The following NELL1 variants were observed in gnomAD, a reference collection of about 807,000 sequenced individuals.
NELL1 encodes protein kinase C-binding protein NELL1.
In NELL1, 76 loss-of-function variants were observed where a neutral mutation model predicts 107.4. That is an observed-to-expected ratio of 0.71 (90% CI 0.59 to 0.86). The LOEUF is 0.86. NELL1 is among the 40% of genes least tolerant of loss of function. NELL1 has a pLI of 0.00. For missense variants in NELL1, 1,024 were observed against 1,005.5 expected, an observed-to-expected ratio of 1.02 and a Z score of -0.25; for synonymous variants, 353 against 341.2, an observed-to-expected ratio of 1.03 and a Z score of -0.38.
chr11:21,415,637 CT>C (rs1191459380), intron 15 of NELL1, among the ~76,000 whole-genome samples: 1 of 151,968 alleles, frequency 6.6e-6, no homozygotes, highest in African/African-American at 2.4e-5. Context: ...ACTGTGGCGT[CT>C]CTTTAATTGA....
At chr11:21,460,033 G>T (rs1478943464) in intron 15 of NELL1, among the ~76,000 whole-genome samples, 1 of 152,014 alleles carries the variant, frequency 6.6e-6, no homozygotes, top group Non-Finnish European at 1.5e-5. Context: ...CAAATAAAAG[G>T]CTTTATTAAT....
At chr11:21,023,326 T>C (rs1278169648) in intron 12 of NELL1, among the ~76,000 whole-genome samples, 1 of 151,914 alleles carries the variant, frequency 6.6e-6, no homozygotes, top group African/African-American at 2.4e-5. Context: ...CTTAAAAAAG[T>C]CACAAAATGA....
chr11:20,685,945 A>G (rs1339907513), intron 2 of NELL1, among the ~76,000 whole-genome samples: 1 of 152,058 alleles, frequency 6.6e-6, no homozygotes, highest in Non-Finnish European at 1.5e-5. Context: ...ATTTTGAGGC[A>G]GTATTTAAGG....
intron 4 of NELL1, among the ~76,000 whole-genome samples, chr11:20,883,770 A>C (rs1388472665): frequency 6.6e-6 from 1 of 152,188 alleles, no homozygotes; most frequent in Non-Finnish European, 1.5e-5. Context: ...ATCACACTTA[A>C]TGACTGTAGT....
chr11:21,286,033 T>C (rs886215825), intron 14 of NELL1, among the ~76,000 whole-genome samples: 2 of 152,194 alleles, frequency 1.3e-5, no homozygotes, highest in African/African-American at 4.8e-5. Context: ...AATTCTACAT[T>C]GTGGAAATGT....
At chr11:21,043,510 GTC>G (rs1316830323) in intron 12 of NELL1, among the ~76,000 whole-genome samples, 1 of 152,128 alleles carries the variant, frequency 6.6e-6, no homozygotes, top group East Asian at 1.9e-4. Flanking sequence ...GTTATGAAAG[GTC>G]CATGGGCTAT....
chr11:20,855,652 G>T (rs1020999396), intron 4 of NELL1, among the ~76,000 whole-genome samples: 1 of 152,018 alleles, frequency 6.6e-6, no homozygotes, highest in South Asian at 2.1e-4. Context: ...CATCTTAATT[G>T]TTGTAATTTT....
At chr11:21,228,939 A>G (rs1478377900) in intron 13 of NELL1, among the ~76,000 whole-genome samples, 4 of 151,426 alleles carry the variant, frequency 2.6e-5, no homozygotes, top group African/African-American at 4.9e-5. Flanking sequence ...CCTGTTCCCA[A>G]TCATGGCAAC....
In NELL1 at chr11:21,534,463, A is replaced by G. The variant is rs370919301; in HGVS notation, c.1735A>G (p.Ser579Gly). The change falls in exon 16 of 20, where the codon AGC becomes GGC. Residue 579 changes from serine to glycine, a missense_variant. By Grantham distance (56) the Ser-to-Gly change is moderately conservative. Coordinates refer to ENST00000357134, the MANE Select transcript of NELL1 (RefSeq NM_006157.5). ...LPGWYHCECR[S>G]GFHDDGTYSL... ...AGGGTGGTACCACTGTGAGTGCAGAAGCGGTTTCCATGACGATGGGACCTA... is the reference window on the plus strand; with the variant it reads ...AGGGTGGTACCACTGTGAGTGCAGAGGCGGTTTCCATGACGATGGGACCTA... 2 of 1,613,882 alleles carry G rather than the reference A, an allele frequency of 1.2e-6. No homozygotes were observed. The highest frequency in any genetic ancestry group is 1.7e-6 in the Non-Finnish European group (2 of 1,179,852).
intron 15 of NELL1, among the ~76,000 whole-genome samples, chr11:21,520,719 C>T (rs771009595): frequency 1.3e-5 from 2 of 152,108 alleles, no homozygotes; most frequent in Admixed American, 6.5e-5. Context: ...CATCAGCACC[C>T]GCTTAAGATT....
intron 9 of NELL1, among the ~76,000 whole-genome samples, chr11:20,936,077 A>G (rs1850718801): frequency 6.6e-6 from 1 of 152,166 alleles, no homozygotes; most frequent in Non-Finnish European, 1.5e-5. Context: ...ATTCTGGGAT[A>G]GGAATGAGGT....
At chr11:20,758,315 A>T (rs566657739) in intron 2 of NELL1, among the ~76,000 whole-genome samples, 2 of 152,226 alleles carry the variant, frequency 1.3e-5, no homozygotes, top group East Asian at 3.9e-4. Flanking sequence ...GTGTCGCCTG[A>T]TTCAGAATGT....
At chr11:21,285,672 G>T (rs555803926) in intron 14 of NELL1, among the ~76,000 whole-genome samples, 2 of 152,178 alleles carry the variant, frequency 1.3e-5, no homozygotes, top group East Asian at 3.9e-4. Flanking sequence ...CAGTTAACAG[G>T]CACTAGACCC....
At position 21,369,362 on chromosome 11, in the gene NELL1, A is replaced by ATT. The variant is rs34302489; in HGVS notation, c.1550-1472_1550-1471dup. 6.1e-3 allele frequency among the ~76,000 whole-genome samples: 673 copies of ATT among 110,398 alleles called. 18 individuals carry two copies. Among genetic ancestry groups the ATT allele is most frequent in the South Asian group, 0.012 (40 of 3,308 alleles). The allele number at this position is 110,398 out of a possible 152,430, so 72.4% of individuals were successfully genotyped here. On this transcript the variant is annotated intron_variant, in intron 14 of 19. Coordinates refer to ENST00000357134, the MANE Select transcript of NELL1 (RefSeq NM_006157.5). ...TGATGAACTTACCATGGTAGGTACT[A>ATT]TTTTTTTTTTTTTTTTTTTTGCATA...
chr11:21,138,981 A>C (rs1855804698), intron 13 of NELL1, among the ~76,000 whole-genome samples: 1 of 152,176 alleles, frequency 6.6e-6, no homozygotes, highest in Admixed American at 6.6e-5. Context: ...TTTGTCATGC[A>C]ATGTCCTCAT....
At chr11:21,524,460 C>G (rs1247912023) in intron 15 of NELL1, among the ~76,000 whole-genome samples, 5 of 151,532 alleles carry the variant, frequency 3.3e-5, no homozygotes, top group African/African-American at 1.2e-4. Context: ...CTGTTAAACA[C>G]TATAGGAATT....
chr11:20,688,842 A>G (rs908874159), intron 2 of NELL1, among the ~76,000 whole-genome samples: 3 of 152,166 alleles, frequency 2.0e-5, no homozygotes, highest in African/African-American at 7.2e-5. Flanking sequence ...GGCTGCACTC[A>G]TTCACATTCC....
intron 14 of NELL1, among the ~76,000 whole-genome samples, chr11:21,362,018 T>C (rs1851087897): frequency 6.6e-6 from 1 of 152,198 alleles, no homozygotes; most frequent in African/African-American, 2.4e-5. Context: ...TTGGCTCCAT[T>C]GCTAGGGAAC....
intron 12 of NELL1, among the ~76,000 whole-genome samples, chr11:21,075,764 A>G (rs1366043398): frequency 6.6e-6 from 1 of 152,192 alleles, no homozygotes; most frequent in Non-Finnish European, 1.5e-5. Context: ...TCTCAGCTCT[A>G]CAGTGTTTTC....
Sources: allele counts gnomAD v4.1 joint callset (sites outside exome capture counted in the v4.1 genomes callset), GRCh38; gene constraint gnomAD v4.1.1; transcripts MANE v1.5; gene names NCBI Gene and HGNC (gene_info 2026-07-23, HGNC 2026-07-21).